AOAH: variants seen among roughly 807,000 people sequenced by gnomAD.
The protein encoded by AOAH is acyloxyacyl hydrolase (neutrophil).
AOAH carries 64 observed loss-of-function variants against 92.2 expected under a neutral mutation model. The ratio of observed to expected loss-of-function variants is 0.69; its 90% CI spans 0.57 to 0.86. The LOEUF is 0.86. AOAH is among the 40% of genes least tolerant of loss of function. AOAH has a pLI of 0.00. For missense variants in AOAH, 656 were observed against 694.6 expected (o/e 0.94, Z 0.62); for synonymous variants, 263 against 254.5 (o/e 1.03, Z -0.32).
chr7:36,721,343 G>A (rs1320923029), intron 1 of AOAH, among the ~76,000 whole-genome samples: 2 of 152,114 alleles, frequency 1.3e-5, no homozygotes, highest in Non-Finnish European at 2.9e-5. Context: ...AGCACAGCCC[G>A]GCTTCTCTCT....
intron 1 of AOAH, among the ~76,000 whole-genome samples, chr7:36,689,581 C>A (rs1365075289): frequency 1.3e-5 from 2 of 151,990 alleles, no homozygotes; most frequent in African/African-American, 2.4e-5. Context: ...AGGAAGCTCA[C>A]AATGAACTTC....
In AOAH at chr7:36,724,187, A is replaced by G; in HGVS notation, c.-39T>C. ...ACCCCAAGTGATCACCCGGCTTTGGAAGCTCCCAACTGAGGGATGCTGGAG... is the reference window on the plus strand; with the variant it reads ...ACCCCAAGTGATCACCCGGCTTTGGGAGCTCCCAACTGAGGGATGCTGGAG... On this transcript the variant is annotated 5_prime_UTR_variant, in exon 1 of 21. Transcript: ENST00000617537. The G allele has an allele frequency of 6.2e-7, 1 of 1,607,814 alleles. No individual in the cohort carries two copies. Among genetic ancestry groups the G allele is most frequent in the Non-Finnish European group, 8.5e-7 (1 of 1,176,300 alleles).
rs10713670 is a variant in AOAH at position 36,543,581 on chromosome 7, A to AT, written c.1134-3091dup. 9.5e-3 allele frequency among the ~76,000 whole-genome samples: 1,436 copies of AT among 151,022 alleles called. 10 individuals carry two copies. The highest frequency in any genetic ancestry group is 0.041 in the Middle Eastern group (12 of 294). On this transcript the variant is annotated intron_variant, in intron 15 of 20. Transcript: ENST00000617537. The stretch of plus-strand genomic sequence containing the variant: ...AGTCTCCCCAAATCCACACTGAATA[A>AT]TTTTTTTTTTCGGTTAGAGGCACAG...
At chr7:36,618,927 C>T (rs1354400971) in intron 9 of AOAH, among the ~76,000 whole-genome samples, 1 of 152,162 alleles carries the variant, frequency 6.6e-6, no homozygotes, top group African/African-American at 2.4e-5. Context: ...CCAACCCAAA[C>T]ATCAATAGTG....
intron 4 of AOAH, among the ~76,000 whole-genome samples, chr7:36,648,828 A>G (rs1794401085): frequency 6.6e-6 from 1 of 151,988 alleles, no homozygotes; most frequent in East Asian, 1.9e-4. Context: ...ATTGGGATAT[A>G]TTTTGCTCCA....
intron 4 of AOAH, among the ~76,000 whole-genome samples, chr7:36,658,323 CA>C (rs1180559206): frequency 6.6e-6 from 1 of 152,070 alleles, no homozygotes; most frequent in South Asian, 2.1e-4. Context: ...AAGGAAATTA[CA>C]ATTAAAATAG....
intron 11 of AOAH, among the ~76,000 whole-genome samples, chr7:36,605,238 G>T (rs181917653): frequency 1.2e-4 from 19 of 152,096 alleles, no homozygotes; most frequent in African/African-American, 4.6e-4. Flanking sequence ...TTGCATGGAA[G>T]GAATTAGTTG....
chr7:36,597,302 C>T (rs901729665), intron 11 of AOAH, among the ~76,000 whole-genome samples: 6 of 152,306 alleles, frequency 3.9e-5, no homozygotes, highest in Non-Finnish European at 7.3e-5. Context: ...CGAGACTCCA[C>T]CATTACTGTG....
chr7:36,695,483 G>A (rs777936508), intron 1 of AOAH, among the ~76,000 whole-genome samples: 22 of 152,220 alleles, frequency 1.4e-4, no homozygotes, highest in Admixed American at 3.9e-4. Context: ...TCTTCACAAT[G>A]TTCTCATAAG....
At chr7:36,582,822 T>C (rs1340947002) in intron 12 of AOAH, among the ~76,000 whole-genome samples, 1 of 151,348 alleles carries the variant, frequency 6.6e-6, no homozygotes, top group Non-Finnish European at 1.5e-5. Flanking sequence ...TGATGTAGCA[T>C]ATTCTGATGA....
chr7:36,639,076 G>A (rs558712341), intron 4 of AOAH, among the ~76,000 whole-genome samples: 2 of 152,178 alleles, frequency 1.3e-5, no homozygotes, highest in African/African-American at 4.8e-5. Flanking sequence ...GTTGGCAGTA[G>A]GCCAAAAGAG....
intron 4 of AOAH, among the ~76,000 whole-genome samples, chr7:36,640,937 C>A (rs1001547545): frequency 1.3e-5 from 2 of 152,090 alleles, no homozygotes; most frequent in Non-Finnish European, 2.9e-5. Flanking sequence ...GTCAGAGATT[C>A]CAGGCTCGGA....
intron 11 of AOAH, among the ~76,000 whole-genome samples, chr7:36,605,462 G>A (rs1341691978): frequency 6.6e-6 from 1 of 152,200 alleles, no homozygotes; most frequent in African/African-American, 2.4e-5. Context: ...ACAAGAGATT[G>A]TCCTCTAGTT....
intron 20 of AOAH, among the ~76,000 whole-genome samples, chr7:36,521,216 C>T (rs1424146917): frequency 6.6e-6 from 1 of 152,174 alleles, no homozygotes. Context: ...GCTTCCCCCA[C>T]GGCTGGAGCA....
At chr7:36,589,119 T>C (rs2116756375) in intron 12 of AOAH, among the ~76,000 whole-genome samples, 1 of 152,278 alleles carries the variant, frequency 6.6e-6, no homozygotes, top group South Asian at 2.1e-4. Context: ...TGCAGAACCC[T>C]ACTGACTGGA....
At chr7:36,528,352 C>T (rs1461914937) in intron 19 of AOAH, among the ~76,000 whole-genome samples, 1 of 152,160 alleles carries the variant, frequency 6.6e-6, no homozygotes, top group African/African-American at 2.4e-5. Context: ...TTTATTATTG[C>T]TGTGAGGACA....
At chr7:36,552,300 C>T (rs1786324388) in intron 13 of AOAH, among the ~76,000 whole-genome samples, 1 of 152,080 alleles carries the variant, frequency 6.6e-6, no homozygotes, top group Admixed American at 6.6e-5. Context: ...TAAAGGTTTC[C>T]AGCTCCACCC....
chr7:36,570,059 A>C (rs1371679142), intron 13 of AOAH, among the ~76,000 whole-genome samples: 2 of 152,200 alleles, frequency 1.3e-5, no homozygotes. Flanking sequence ...TTTTAAGCGC[A>C]CAATACAGTA....
At chr7:36,581,883 C>A (rs1788951993) in intron 12 of AOAH, among the ~76,000 whole-genome samples, 1 of 152,160 alleles carries the variant, frequency 6.6e-6, no homozygotes, top group East Asian at 1.9e-4. Flanking sequence ...ATACTGCTTT[C>A]TTTCATCCCC....
Sources: allele counts gnomAD v4.1 joint callset (sites outside exome capture counted in the v4.1 genomes callset), GRCh38; gene constraint gnomAD v4.1.1; transcripts MANE v1.5; gene names NCBI Gene and HGNC (gene_info 2026-07-23, HGNC 2026-07-21).